Variants in RP1 observed in about 807,000 individuals in gnomAD.
RP1 encodes the protein oxygen-regulated protein 1.
In RP1, 16 loss-of-function variants were observed where a neutral mutation model predicts 14.8. The observed-to-expected ratio is 1.08, with a 90% CI of 0.73 to 1.65. The LOEUF (loss-of-function observed/expected upper bound fraction) is 1.65, where lower values mean the gene tolerates loss of function less well. Among genes scored for constraint, RP1 ranks in the 40% most tolerant of loss-of-function variants. The probability of loss-of-function intolerance (pLI) is 0.00; values close to 1 mark genes in which losing one functional copy is unlikely to be tolerated. For missense variants in RP1, 2,631 were observed against 2,535.0 expected, an observed-to-expected ratio of 1.04 and a Z score of -0.81; for synonymous variants, 876 against 883.6, an observed-to-expected ratio of 0.99 and a Z score of 0.15.
chr8:54,585,579 T>C (rs1280247287), intron 1 of RP1, among the ~76,000 whole-genome samples: 2 of 152,250 alleles, frequency 1.3e-5, no homozygotes, highest in Non-Finnish European at 2.9e-5. Context: ...CTGGATAATA[T>C]CCTGCAGAGT....
At chr8:54,766,796 G>A (rs989637795) in intron 22 of RP1, among the ~76,000 whole-genome samples, 1 of 152,116 alleles carries the variant, frequency 6.6e-6, no homozygotes, top group African/African-American at 2.4e-5. Context: ...TTCCTAGCTA[G>A]GCCAGTGAAA....
intron 28 of RP1, among the ~76,000 whole-genome samples, chr8:54,866,934 A>C (rs1812471492): frequency 6.6e-6 from 1 of 152,192 alleles, no homozygotes; most frequent in South Asian, 2.1e-4. Context: ...TTATCCATCC[A>C]TTTATTTATG....
At chr8:54,610,388 C>T (rs139019517) in intron 1 of RP1, among the ~76,000 whole-genome samples, 35 of 152,282 alleles carry the variant, frequency 2.3e-4, no homozygotes, top group Middle Eastern at 3.4e-3. Flanking sequence ...TCTCTATTTA[C>T]ACTCACTTCT....
chr8:54,731,574 T>A (rs1808795131), intron 17 of RP1, among the ~76,000 whole-genome samples: 1 of 152,186 alleles, frequency 6.6e-6, no homozygotes, highest in African/African-American at 2.4e-5. Context: ...CTTTAATACA[T>A]CATTCTGCAT....
intron 12 of RP1, among the ~76,000 whole-genome samples, chr8:54,685,856 T>C (rs1807551124): frequency 1.3e-5 from 2 of 152,108 alleles, no homozygotes; most frequent in African/African-American, 4.8e-5. Flanking sequence ...TCCTTACTTC[T>C]CGAATTAATC....
At chr8:54,577,947 C>CT (rs11377826) in intron 1 of RP1, among the ~76,000 whole-genome samples, 44,845 of 150,256 alleles carry the variant, frequency 0.3, 7,921 homozygotes, top group Middle Eastern at 0.41. Context: ...CAAACATTTT[C>CT]TTTTTTTTTT....
intron 24 of RP1, among the ~76,000 whole-genome samples, chr8:54,812,787 A>ATCTATCTG (rs1563383854): frequency 3.3e-5 from 5 of 150,476 alleles, no homozygotes; most frequent in African/African-American, 7.4e-5. Flanking sequence ...CTATCTATCT[A>ATCTATCTG]TCTATCTATC....
intron 3 of RP1, among the ~76,000 whole-genome samples, chr8:54,640,242 A>C (rs1407331710): frequency 6.6e-6 from 1 of 152,102 alleles, no homozygotes; most frequent in Non-Finnish European, 1.5e-5. Flanking sequence ...TTGATTTAGA[A>C]AGGATAGTCT....
intron 17 of RP1, among the ~76,000 whole-genome samples, chr8:54,728,602 C>G (rs1808716352): frequency 6.6e-6 from 1 of 152,050 alleles, no homozygotes; most frequent in Admixed American, 6.6e-5. Flanking sequence ...AAAGATGGAA[C>G]TTTTCTCATC....
At chr8:54,869,776 T>C (rs1321693967) in intron 28 of RP1, 1 of 584,834 alleles carries the variant, frequency 1.7e-6, no homozygotes, top group African/African-American at 1.9e-5. Context: ...TTTTTTTTCC[T>C]TTCTAACTAA....
intron 19 of RP1, among the ~76,000 whole-genome samples, chr8:54,746,425 A>G (rs1360912200): frequency 6.6e-6 from 1 of 152,180 alleles, no homozygotes; most frequent in South Asian, 2.1e-4. Flanking sequence ...TATTTCAGCC[A>G]TATTAATGCA....
upstream of RP1, among the ~76,000 whole-genome samples, chr8:54,612,107 T>C (rs1304188707): frequency 1.3e-5 from 2 of 152,170 alleles, no homozygotes; most frequent in Non-Finnish European, 2.9e-5. Flanking sequence ...AGTGCCTAGT[T>C]CCTAAAATGG....
chr8:54,741,734 T>C (rs1649441403), intron 19 of RP1, among the ~76,000 whole-genome samples: 1 of 137,386 alleles, frequency 7.3e-6, no homozygotes, highest in Non-Finnish European at 1.6e-5. Context: ...TATATATATA[T>C]ATATATATAT....
intron 12 of RP1, among the ~76,000 whole-genome samples, chr8:54,698,231 A>G (rs1489342498): frequency 6.6e-6 from 1 of 152,260 alleles, no homozygotes; most frequent in East Asian, 1.9e-4. Flanking sequence ...GGCAAAGGAT[A>G]TGAACAAACA....
intron 25 of RP1, among the ~76,000 whole-genome samples, chr8:54,841,837 T>C (rs1811797431): frequency 6.6e-6 from 1 of 152,068 alleles, no homozygotes; most frequent in Non-Finnish European, 1.5e-5. Context: ...CCAGGAGAGA[T>C]GGATGATAAA....
intron 22 of RP1, among the ~76,000 whole-genome samples, chr8:54,765,258 G>T (rs1246305153): frequency 6.6e-6 from 1 of 152,256 alleles, no homozygotes; most frequent in African/African-American, 2.4e-5. Context: ...TGAGGCGCAT[G>T]CTCTTAGGAG....
intron 24 of RP1, among the ~76,000 whole-genome samples, chr8:54,794,626 A>T (rs1281742463): frequency 6.6e-6 from 1 of 152,058 alleles, no homozygotes; most frequent in Non-Finnish European, 1.5e-5. Context: ...TCTAGAAGAG[A>T]AAGAAACCAT....
chr8:54,592,364 A>G (rs1021516937), intron 1 of RP1, among the ~76,000 whole-genome samples: 7 of 152,098 alleles, frequency 4.6e-5, no homozygotes, highest in African/African-American at 1.4e-4. Context: ...GGTTGGTATC[A>G]CCTTATTTGC....
chr8:54,627,590 T>C lies in RP1; in HGVS notation c.3708T>C (p.Asp1236=), dbSNP rs1391179172. The C allele has an allele frequency of 2.5e-6, 4 of 1,614,082 alleles. No homozygotes were observed. Among genetic ancestry groups the C allele is most frequent in the Non-Finnish European group, 3.4e-6 (4 of 1,179,992 alleles). The change falls in exon 4 of 4, where the codon GAT becomes GAC. Residue 1236 remains aspartate, a synonymous_variant. Coordinates refer to ENST00000220676, the MANE Select transcript of RP1 (RefSeq NM_006269.2). ...NERTQGISSL[D]GGCSASEACA... ...GAACACAAGGAATCTCCTCTTTGGA[T>C]GGAGGTTGCTCTGCCAGTGAGGCAT... is the stretch of plus-strand genomic sequence containing the variant.
Sources: allele counts gnomAD v4.1 joint callset (sites outside exome capture counted in the v4.1 genomes callset), GRCh38; gene constraint gnomAD v4.1.1; transcripts MANE v1.5; gene names NCBI Gene and HGNC (gene_info 2026-07-23, HGNC 2026-07-21).